The following PHF24 variants were observed in gnomAD, a reference collection of about 807,000 sequenced individuals.
PHF24 encodes the protein PHD finger protein 24.
A neutral mutation model predicts 42.6 loss-of-function variants in PHF24; 25 were observed. That is an observed-to-expected ratio of 0.59 (90% CI 0.43 to 0.82). The LOEUF (loss-of-function observed/expected upper bound fraction) is 0.82, where lower values mean the gene tolerates loss of function less well. Ranked by LOEUF, PHF24 falls within the 40% of genes least tolerant of loss-of-function variation. The pLI is 0.00. For missense variants in PHF24, 470 were observed against 538.1 expected (o/e 0.87, Z 1.25); for synonymous variants, 185 against 204.8 (o/e 0.90, Z 0.83).
chr9:34,698,353 C>T, the PHF24 span, among the ~76,000 whole-genome samples: 1 of 152,110 alleles, frequency 6.6e-6, no homozygotes, highest in Non-Finnish European at 1.5e-5. Context: ...AAATAGTCAT[C>T]TAGGGCATAA....
the PHF24 span, among the ~76,000 whole-genome samples, chr9:34,788,130 C>G: frequency 6.6e-6 from 1 of 152,064 alleles, no homozygotes; most frequent in African/African-American, 2.4e-5. Flanking sequence ...CTTGGTTTCC[C>G]AGGCTCAAGC....
chr9:34,683,842 G>T, the PHF24 span, among the ~76,000 whole-genome samples: 2 of 152,190 alleles, frequency 1.3e-5, no homozygotes, highest in African/African-American at 4.8e-5. Flanking sequence ...TTAGAGGAGG[G>T]CCAGATCAGG....
At chr9:34,793,225 G>T in the PHF24 span, among the ~76,000 whole-genome samples, 1 of 152,024 alleles carries the variant, frequency 6.6e-6, no homozygotes, top group Admixed American at 6.5e-5. Flanking sequence ...GGAAGGGGAA[G>T]CTTGCCCAAG....
intron 1 of PHF24, among the ~76,000 whole-genome samples, chr9:34,965,547 G>A (rs1039057078): frequency 6.6e-6 from 1 of 152,266 alleles, no homozygotes; most frequent in African/African-American, 2.4e-5. Context: ...GTAGATGTCA[G>A]CTTCAGTCTT....
At chr9:34,796,607 T>C in the PHF24 span, among the ~76,000 whole-genome samples, 2 of 152,194 alleles carry the variant, frequency 1.3e-5, no homozygotes, top group African/African-American at 4.8e-5. Flanking sequence ...AAGAACAAGA[T>C]GTACAAGATC....
At chr9:34,695,282 G>A in the PHF24 span, among the ~76,000 whole-genome samples, 2,940 of 152,318 alleles carry the variant, frequency 0.019, 94 homozygotes, top group African/African-American at 0.068. Flanking sequence ...TGGGGTGGGG[G>A]CTTCTGGATA....
chr9:34,921,508 TAA>T, the PHF24 span, among the ~76,000 whole-genome samples: 1 of 152,238 alleles, frequency 6.6e-6, no homozygotes, highest in Non-Finnish European at 1.5e-5. Flanking sequence ...TTAGGTTGCC[TAA>T]GACATTTAAA....
At chr9:34,670,489 C>T in the PHF24 span, among the ~76,000 whole-genome samples, 3 of 152,310 alleles carry the variant, frequency 2.0e-5, no homozygotes, top group Admixed American at 1.3e-4. Context: ...AGCTCCCCAT[C>T]GCCTCTCTCT....
chr9:34,965,559 A>G (rs774485703), intron 1 of PHF24, among the ~76,000 whole-genome samples: 20 of 152,266 alleles, frequency 1.3e-4, no homozygotes, highest in Non-Finnish European at 2.8e-4. Flanking sequence ...TTCAGTCTTC[A>G]TAGAAATTGC....
At chr9:34,875,938 A>ACTCTCTCTCTCTCTCTCT in the PHF24 span, among the ~76,000 whole-genome samples, 13 of 88,546 alleles carry the variant, frequency 1.5e-4, no homozygotes, top group African/African-American at 1.4e-4. Flanking sequence ...ACACACACAC[A>ACTCTCTCTCTCTCTCTCT]CACACACACA....
chr9:34,865,335 G>A, the PHF24 span, among the ~76,000 whole-genome samples: 1 of 151,674 alleles, frequency 6.6e-6, no homozygotes, highest in Admixed American at 6.6e-5. Flanking sequence ...AGGCCAAGGT[G>A]GGCGGATCAC....
the PHF24 span, among the ~76,000 whole-genome samples, chr9:34,771,297 T>C: frequency 2.0e-5 from 3 of 152,210 alleles, no homozygotes; most frequent in African/African-American, 7.2e-5. Context: ...GCGTAGTCTA[T>C]TGCTGCTAGG....
At chr9:34,707,493 A>T in the PHF24 span, among the ~76,000 whole-genome samples, 1 of 152,218 alleles carries the variant, frequency 6.6e-6, no homozygotes, top group East Asian at 1.9e-4. Context: ...TTTCAAAAGT[A>T]GTATTTCTTG....
the PHF24 span, among the ~76,000 whole-genome samples, chr9:34,850,112 C>G: frequency 6.6e-6 from 1 of 152,100 alleles, no homozygotes; most frequent in Non-Finnish European, 1.5e-5. Flanking sequence ...GTATCTTTAT[C>G]GCGTTCTCTG....
intron 6 of PHF24, 146 bp from the exon 7 acceptor site, chr9:34,977,400 T>A (rs968009756): frequency 2.5e-6 from 3 of 1,180,830 alleles, no homozygotes; most frequent in Non-Finnish European, 3.6e-6. Context: ...GGCCAGGGCA[T>A]AGGACAGCCT....
the PHF24 span, among the ~76,000 whole-genome samples, chr9:34,893,844 A>T: frequency 6.6e-6 from 1 of 152,168 alleles, no homozygotes; most frequent in Non-Finnish European, 1.5e-5. Flanking sequence ...GTCTCATTTG[A>T]GGCTAAGAAA....
chr9:34,832,180 A>C, the PHF24 span: 1,502 of 346,470 alleles, frequency 4.3e-3, 10 homozygotes, highest in Middle Eastern at 0.028. Context: ...ATGGAAATGA[A>C]AATACTGGTC....
the PHF24 span, among the ~76,000 whole-genome samples, chr9:34,783,986 A>G: frequency 6.6e-6 from 1 of 152,198 alleles, no homozygotes. Flanking sequence ...TTTTTAGCAT[A>G]GACTTTGAGA....
At chr9:34,845,337 T>C in the PHF24 span, among the ~76,000 whole-genome samples, 1 of 152,196 alleles carries the variant, frequency 6.6e-6, no homozygotes, top group Non-Finnish European at 1.5e-5. Context: ...TAATTATTGA[T>C]AGGTAAGGAC....
Sources: allele counts gnomAD v4.1 joint callset (sites outside exome capture counted in the v4.1 genomes callset), GRCh38; gene constraint gnomAD v4.1.1; transcripts MANE v1.5; gene names NCBI Gene and HGNC (gene_info 2026-07-23, HGNC 2026-07-21).